The following TC2N variants were observed in gnomAD, a reference collection of about 807,000 sequenced individuals.
TC2N encodes tandem C2 domains, nuclear, also known as tandem C2 domains nuclear protein.
A neutral mutation model predicts 61.9 loss-of-function variants in TC2N; 51 were observed. That is an observed-to-expected ratio of 0.82 (90% CI 0.66 to 1.04). TC2N has a LOEUF of 1.04. Among genes scored for constraint, TC2N ranks in the 50% least tolerant of loss-of-function variants. The pLI is 0.00. For missense variants in TC2N, 556 were observed against 566.7 expected, an observed-to-expected ratio of 0.98 and a Z score of 0.19; for synonymous variants, 204 against 192.6, an observed-to-expected ratio of 1.06 and a Z score of -0.49.
At chr14:91,864,636 C>T (rs761245607) in intron 1 of TC2N, among the ~76,000 whole-genome samples, 8 of 152,158 alleles carry the variant, frequency 5.3e-5, no homozygotes, top group Admixed American at 2.6e-4. Flanking sequence ...CCTACCCAAA[C>T]GAAAACTTCT....
At chr14:91,865,373 T>G (rs1317669413) in intron 1 of TC2N, among the ~76,000 whole-genome samples, 2 of 144,346 alleles carry the variant, frequency 1.4e-5, no homozygotes, top group Non-Finnish European at 1.5e-5. Flanking sequence ...CTCTTGGTTT[T>G]TTTTTTTTTT....
At chr14:91,863,924 C>T (rs369076836) in intron 1 of TC2N, among the ~76,000 whole-genome samples, 179 of 151,246 alleles carry the variant, frequency 1.2e-3, no homozygotes, top group African/African-American at 4.2e-3. Flanking sequence ...GACAGGAGGT[C>T]GAGGCTGCAG....
chr14:91,849,349 C>A (rs1221079811), intron 1 of TC2N, among the ~76,000 whole-genome samples: 1 of 151,916 alleles, frequency 6.6e-6, no homozygotes, highest in Non-Finnish European at 1.5e-5. Context: ...TATAGTGACA[C>A]AAGACACTTT....
At chr14:91,797,963 G>T in intron 7 of TC2N, 62 bp from the exon 8 acceptor site, 4 of 1,109,552 alleles carry the variant, frequency 3.6e-6, no homozygotes, top group Non-Finnish European at 4.0e-6. Context: ...AACATTTGAT[G>T]TATTTCTTGA....
In TC2N at chr14:91,793,138, A is replaced by T. The variant is rs1418529660; in HGVS notation, c.856-580T>A. Among the ~76,000 whole-genome samples, 5 of 152,318 alleles carry T rather than the reference A, an allele frequency of 3.3e-5. No individual in the cohort carries two copies. In the East Asian group the frequency reaches 9.6e-4, roughly 29 times the overall value. ...CAAAGGAAAATATGAATTTAAAATT[A>T]TATCTTCTCTCCTAAGCACCCATCT... is the stretch of plus-strand genomic sequence containing the variant. On this transcript the variant is annotated intron_variant, in intron 8 of 11. Coordinates refer to ENST00000435962, the MANE Select transcript of TC2N (RefSeq NM_001128596.3).
At chr14:91,862,339 C>CAAAAAAA (rs56816512) in intron 1 of TC2N, among the ~76,000 whole-genome samples, 2 of 106,448 alleles carry the variant, frequency 1.9e-5, no homozygotes, top group African/African-American at 3.4e-5. Flanking sequence ...GACTCTGTCT[C>CAAAAAAA]AAAAAAAAAA....
intron 1 of TC2N, among the ~76,000 whole-genome samples, chr14:91,814,528 T>C (rs1236236142): frequency 6.8e-6 from 1 of 146,572 alleles, no homozygotes; most frequent in Non-Finnish European, 1.5e-5. Flanking sequence ...ATGAGAAGTA[T>C]AAAAGGGCAG....
chr14:91,843,684 A>G (rs1888207504), intron 1 of TC2N, among the ~76,000 whole-genome samples: 1 of 152,234 alleles, frequency 6.6e-6, no homozygotes, highest in Non-Finnish European at 1.5e-5. Context: ...TTAGGACGCC[A>G]AAGCTTTCCT....
At chr14:91,813,672 TA>T in intron 2 of TC2N, 30 bp downstream of exon 2, 1 of 1,476,090 alleles carries the variant, frequency 6.8e-7, no homozygotes, top group Non-Finnish European at 9.5e-7. Context: ...AGATGCTACA[TA>T]AATGTTACTG....
At position 91,792,561 on chromosome 14, in the gene TC2N, T is replaced by TAA. The variant is rs757388124; in HGVS notation, c.856-5_856-4dup. ...AACGTTTCCATAAATTCAATAGCCT[T>TAA]AAAAAAAAAACAAGAAAACATAAAA... On this transcript the variant is annotated splice_region_variant and splice_polypyrimidine_tract_variant and intron_variant, in intron 8 of 11. Transcript: ENST00000435962. 263 of 1,265,714 alleles carry TAA rather than the reference T, an allele frequency of 2.1e-4. No individual in the cohort carries two copies. Among genetic ancestry groups the TAA allele is most frequent in the South Asian group, 4.6e-4 (28 of 61,018 alleles). 78.4% of individuals were successfully genotyped at this position (1,265,714 alleles called of 1,614,324 possible). A position where few individuals can be genotyped will look rare whatever the true frequency, so the allele number is the denominator to read the frequency against.
intron 3 of TC2N, among the ~76,000 whole-genome samples, chr14:91,802,654 T>C: frequency 6.6e-6 from 1 of 152,182 alleles, no homozygotes; most frequent in Non-Finnish European, 1.5e-5. Flanking sequence ...CTGGCATTTT[T>C]CTTTGCCCCA....
chr14:91,865,709 C>T (rs927967782), intron 1 of TC2N, among the ~76,000 whole-genome samples: 1 of 152,044 alleles, frequency 6.6e-6, no homozygotes, highest in Non-Finnish European at 1.5e-5. Flanking sequence ...TTCTAAATTT[C>T]AAACACATGT....
intron 1 of TC2N, among the ~76,000 whole-genome samples, chr14:91,853,690 A>ACACACAC (rs1888423136): frequency 7.4e-6 from 1 of 135,058 alleles, no homozygotes; most frequent in African/African-American, 2.7e-5. Flanking sequence ...ACACACACAC[A>ACACACAC]ATCTGTGATC....
At position 91,826,362 on chromosome 14, in the gene TC2N, AT is replaced by A. The variant is rs984237355; in HGVS notation, c.-56-12538del. Among the ~76,000 whole-genome samples the A allele has an allele frequency of 3.4e-5, 5 of 148,400 alleles. No homozygotes were observed. The East Asian group carries it at 9.9e-4, about 29-fold the overall frequency. On this transcript the variant is annotated intron_variant, in intron 1 of 11. Transcript: ENST00000435962. ...AGGAAAAAAATATGTATCTCTATTG[AT>A]TTTTTTTTCTGCTTGTTTTATATAG...
intron 3 of TC2N, among the ~76,000 whole-genome samples, chr14:91,803,014 A>G (rs1886333730): frequency 6.6e-6 from 1 of 152,164 alleles, no homozygotes; most frequent in Non-Finnish European, 1.5e-5. Flanking sequence ...GGGAATTAGG[A>G]ATATAATATT....
chr14:91,794,656 CAA>C (rs994179426), intron 8 of TC2N, among the ~76,000 whole-genome samples: 1 of 143,016 alleles, frequency 7.0e-6, no homozygotes, highest in African/African-American at 2.6e-5. Flanking sequence ...ATCTACTGCT[CAA>C]AAAAAAAAAG....
At chr14:91,789,002 T>G (rs1292348599) in intron 9 of TC2N, among the ~76,000 whole-genome samples, 1 of 152,170 alleles carries the variant, frequency 6.6e-6, no homozygotes, top group Non-Finnish European at 1.5e-5. Flanking sequence ...ATTGCTGTCC[T>G]TGGCATTTAA....
intron 1 of TC2N, among the ~76,000 whole-genome samples, chr14:91,863,383 G>A (rs192461354): frequency 2.0e-5 from 3 of 152,270 alleles, no homozygotes; most frequent in Admixed American, 2.0e-4. Flanking sequence ...GGCAGCTCAC[G>A]CCTAAGACCT....
At chr14:91,783,753 T>C (rs1885233251) in intron 11 of TC2N, among the ~76,000 whole-genome samples, 1 of 152,104 alleles carries the variant, frequency 6.6e-6, no homozygotes, top group South Asian at 2.1e-4. Context: ...ATACATAGTA[T>C]TATGCAAATT....
Sources: allele counts gnomAD v4.1 joint callset (sites outside exome capture counted in the v4.1 genomes callset), GRCh38; gene constraint gnomAD v4.1.1; transcripts MANE v1.5; gene names NCBI Gene and HGNC (gene_info 2026-07-23, HGNC 2026-07-21).